Variants in FGA observed in about 807,000 individuals in gnomAD.
FGA encodes the protein fibrinogen alpha chain, also known as fibrinogen, A alpha polypeptide.
A neutral mutation model predicts 20.3 loss-of-function variants in FGA; 20 were observed. The observed-to-expected ratio is 0.99, with a 90% CI of 0.69 to 1.43. The LOEUF is 1.43. Among genes scored for constraint, FGA ranks in the 40% most tolerant of loss-of-function variants. The pLI, the probability that FGA is intolerant of heterozygous loss-of-function variation, is 0.00. For missense variants in FGA, 777 were observed against 784.7 expected (o/e 0.99, Z 0.12); for synonymous variants, 306 against 281.6 (o/e 1.09, Z -0.87).
chr4:154,584,976 G>T (rs1487193369), downstream of FGA: 4 of 778,796 alleles, frequency 5.1e-6, no homozygotes, highest in South Asian at 6.3e-5. Context: ...ATAGGGAAAG[G>T]ATGCACTTAC....
rs1730729014 is a variant in FGA at position 154,586,610 on chromosome 4, G to A, written c.819C>T (p.Gly273=). 2 of 1,613,856 alleles carry A rather than the reference G, an allele frequency of 1.2e-6. No individual in the cohort carries two copies. The highest frequency in any genetic ancestry group is 2.7e-5 in the African/African-American group (2 of 74,870). The stretch of plus-strand genomic sequence containing the variant: ...CTGATCCGGTTCCATAAGAGGTGGA[G>A]CCTCCTCGAGTAATCTCATTTCCAC... The part of the protein sequence containing the change: ...RPGGNEITRG[G]STSYGTGSET... Residue 273 remains glycine, a synonymous_variant, in exon 5 of 5, where the codon GGC becomes GGT. Transcript: ENST00000403106.
downstream of FGA, chr4:154,584,608 T>C (rs904385780): frequency 6.2e-7 from 1 of 1,614,132 alleles, no homozygotes; most frequent in Non-Finnish European, 8.5e-7. Flanking sequence ...TAGCCAGAAT[T>C]CTCCTTCCCC....
Position 154,586,532 on chromosome 4 carries a change from G to A in FGA, c.897C>T (p.Ser299=). ...GGTTTCCAGTACTTCCAGGTCCAGA[G>A]CTCCCAGAGTTCCAGCTTCCAGCAC... is the stretch of plus-strand genomic sequence containing the variant. ...PSSAGSWNSG[S]SGPGSTGNRN... is the part of the protein sequence containing the mutation. Residue 299 remains serine (S), a synonymous_variant, in exon 5 of 5, where the codon AGC becomes AGT. Coordinates refer to ENST00000403106, the MANE Select transcript of FGA (RefSeq NM_021871.4). The A allele has an allele frequency of 6.2e-7, 1 of 1,614,138 alleles. No individual in the cohort carries two copies. The highest frequency in any genetic ancestry group is 8.5e-7 in the Non-Finnish European group (1 of 1,180,010).
In FGA at chr4:154,586,191, A is replaced by C; in HGVS notation, c.1238T>G (p.Phe413Cys). 2 of 1,614,072 alleles carry C rather than the reference A, an allele frequency of 1.2e-6. No homozygotes were observed. The highest frequency in any genetic ancestry group is 1.1e-5 in the South Asian group (1 of 91,064). ...ACTTACATTTCCTGACACCTCTTCA[A>C]ATGTGCCCCAGTCTGGGTTGTTAGG... ...ARPNNPDWGT[F>C]EEVSGNVSPG... is the part of the protein sequence containing the mutation. Residue 413 changes from phenylalanine (F) to cysteine (C), a missense_variant, in exon 5 of 5, where the codon TTT becomes TGT. Physicochemically the swap from Phe to Cys is radical, Grantham distance 205. Coordinates refer to ENST00000403106, the MANE Select transcript of FGA (RefSeq NM_021871.4).
downstream of FGA, chr4:154,584,806 G>T (rs758526513): frequency 6.2e-7 from 1 of 1,613,566 alleles, no homozygotes; most frequent in Non-Finnish European, 8.5e-7. Flanking sequence ...GGTACCTGAA[G>T]GATGTGTTTG....
chr4:154,585,454 A>AG lies in FGA; in HGVS notation c.*39dup. 7.3e-7 allele frequency: 1 copy of AG among 1,373,212 alleles called. No individual in the cohort carries two copies. The highest frequency in any genetic ancestry group is 1.0e-6 in the Non-Finnish European group (1 of 964,512). The allele number at this position is 1,373,212 out of a possible 1,614,324, so 85.1% of individuals were successfully genotyped here. A position where few individuals can be genotyped will look rare whatever the true frequency, so the allele number is the denominator to read the frequency against. On this transcript the variant is annotated 3_prime_UTR_variant, in exon 5 of 5. Coordinates refer to ENST00000403106, the MANE Select transcript of FGA (RefSeq NM_021871.4). ...AACAGAGAGTTAAGAAGGAAATGCA[A>AG]GGGGCCATGGGAACACTGTGCAGAA...
chr4:154,585,078 C>T (rs1372516467), downstream of FGA, among the ~76,000 whole-genome samples: 1 of 152,174 alleles, frequency 6.6e-6, no homozygotes, highest in Non-Finnish European at 1.5e-5. Flanking sequence ...TTTACTTGCA[C>T]AAACTAATAG....
intron 1 of FGA, 92 bp downstream of exon 1, chr4:154,590,542 C>A: frequency 9.1e-7 from 1 of 1,095,016 alleles, no homozygotes; most frequent in Non-Finnish European, 1.4e-6. Context: ...AAGAGTGTGT[C>A]AGGACATAGA....
chr4:154,587,799 G>GAAAC, intron 3 of FGA, 142 bp from the exon 4 acceptor site: 2 of 682,874 alleles, frequency 2.9e-6, no homozygotes, highest in Non-Finnish European at 2.4e-6. Flanking sequence ...AAGAAAGAAA[G>GAAAC]AAAGAGAAAA....
At chr4:154,584,139 G>A (rs2070033), downstream of FGA, 6,863 of 1,269,898 alleles carry the variant, frequency 5.4e-3, 229 homozygotes, top group African/African-American at 0.12. Flanking sequence ...GGGTCACAAG[G>A]GGCCTAATTT....
At chr4:154,584,089 A>AGAAGACAGAGTGTTCCCATTCCCACTTC, downstream of FGA, 5 of 1,369,308 alleles carry the variant, frequency 3.7e-6, no homozygotes, top group African/African-American at 2.9e-5. Context: ...TCTCTAGCAA[A>AGAAGACAGAGTGTTCCCATTCCCACTTC]GAAGACAGAG....
At chr4:154,584,351 C>T (rs1251079190), downstream of FGA, 2 of 1,614,140 alleles carry the variant, frequency 1.2e-6, no homozygotes, top group African/African-American at 2.7e-5. Context: ...CACTGGTCTG[C>T]ATCCCTGTCA....
chr4:154,586,240 T>A lies in FGA; in HGVS notation c.1189A>T (p.Ser397Cys). 6.2e-7 allele frequency: 1 copy of A among 1,614,108 alleles called. No homozygotes were observed. The highest frequency in any genetic ancestry group is 8.5e-7 in the Non-Finnish European group (1 of 1,179,974). ...HSESGSFRPD[S>C]PGSGNARPNN... is the part of the protein sequence containing the mutation. ...GGCCTCGCGTTCCCAGAGCCTGGGC[T>A]ATCTGGCCTAAAACTTCCAGATTCA... Residue 397 changes from serine to cysteine, a missense_variant, in exon 5 of 5, where the codon AGC becomes TGC. Physicochemically the swap from Ser to Cys is moderately radical, Grantham distance 112. Coordinates refer to ENST00000403106, the MANE Select transcript of FGA (RefSeq NM_021871.4).
At chr4:154,587,794 AGAAAGAAAGAGAAAAAAG>A (rs1730773911) in intron 3 of FGA, 137 bp from the exon 4 acceptor site, 1 of 747,148 alleles carries the variant, frequency 1.3e-6, no homozygotes, top group South Asian at 1.6e-5. Flanking sequence ...AAAGAAAGAA[AGAAAGAAAGAGAAAAAAG>A]AAAGAAAGAA....
chr4:154,589,338 T>A (rs994273852), intron 2 of FGA, 99 bp downstream of exon 2: 1 of 1,420,610 alleles, frequency 7.0e-7, no homozygotes, highest in African/African-American at 1.4e-5. Flanking sequence ...ATTCAATTAT[T>A]TTCTATTTAA....
chr4:154,589,643 C>G, intron 1 of FGA, 81 bp from the exon 2 acceptor site: 1 of 1,499,190 alleles, frequency 6.7e-7, no homozygotes, highest in South Asian at 1.1e-5. Context: ...GCCTACAAGT[C>G]CCCAGGAAGA....
chr4:154,590,578 C>T (rs765427642), intron 1 of FGA, 56 bp downstream of exon 1: 35 of 1,413,748 alleles, frequency 2.5e-5, no homozygotes, highest in Non-Finnish European at 2.9e-5. Context: ...CCTCCAGGCT[C>T]TTTGTGGAAT....
chr4:154,586,220 C>G lies in FGA; in HGVS notation c.1209G>C (p.Ala403=). The G allele has an allele frequency of 6.2e-7, 1 of 1,614,018 alleles. No individual in the cohort carries two copies. The highest frequency in any genetic ancestry group is 8.5e-7 in the Non-Finnish European group (1 of 1,179,960). The change falls in exon 5 of 5, where the codon GCG becomes GCC. Residue 403 remains alanine (A), a synonymous_variant. Transcript: ENST00000403106. ...TGCCCCAGTCTGGGTTGTTAGGCCT[C>G]GCGTTCCCAGAGCCTGGGCTATCTG... is the stretch of plus-strand genomic sequence containing the variant. ...FRPDSPGSGN[A]RPNNPDWGTF...
In FGA at chr4:154,585,662, G is replaced by A. The variant is rs1560824402; in HGVS notation, c.1767C>T (p.Tyr589=). The change falls in exon 5 of 5, where the codon TAC becomes TAT. Residue 589 remains tyrosine (Y), a synonymous_variant. Transcript: ENST00000403106. The stretch of plus-strand genomic sequence containing the variant: ...TTTCAAATGTGGAGTCTCCTCTGTT[G>A]TAACTCGTGCTACTAGTAAATTGTT... The part of the protein sequence containing the change: ...YSKQFTSSTS[Y]NRGDSTFESK... 8 of 1,614,150 alleles carry A rather than the reference G, an allele frequency of 5.0e-6. No homozygotes were observed. The highest frequency in any genetic ancestry group is 6.8e-6 in the Non-Finnish European group (8 of 1,180,006).
Sources: gnomAD v4.1 joint callset for allele counts (sites outside exome capture counted in the v4.1 genomes callset) on GRCh38, gnomAD v4.1.1 for gene constraint, MANE v1.5 for transcripts, NCBI Gene and HGNC (gene_info 2026-07-23, HGNC 2026-07-21) for gene names.